Variants in PSPH observed in about 807,000 individuals in gnomAD.
The protein encoded by PSPH is phosphoserine phosphatase.
In PSPH, 16 loss-of-function variants were observed where a neutral mutation model predicts 23.4. That is an observed-to-expected ratio of 0.68 (90% CI 0.46 to 1.04). The LOEUF (loss-of-function observed/expected upper bound fraction) is 1.04. Ranked by LOEUF, PSPH falls within the 50% of genes least tolerant of loss-of-function variation. The pLI is 0.00. For missense variants in PSPH, 223 were observed against 273.7 expected (o/e 0.81, Z 1.31); for synonymous variants, 68 against 99.7 (o/e 0.68, Z 1.89).
At chr7:56,047,735 T>C (rs1159005616) in intron 1 of PSPH, among the ~76,000 whole-genome samples, 1 of 151,784 alleles carries the variant, frequency 6.6e-6, no homozygotes, top group African/African-American at 2.4e-5. Flanking sequence ...GGCGTGATCT[T>C]GACTCACTGC....
intron 4 of PSPH, among the ~76,000 whole-genome samples, chr7:56,020,792 C>A (rs1422003668): frequency 6.6e-6 from 1 of 152,200 alleles, no homozygotes; most frequent in Admixed American, 6.6e-5. Context: ...ACACTTTCAA[C>A]CATGACACAA....
chr7:56,043,313 C>T (rs553713938), intron 1 of PSPH: 2 of 150,740 alleles, frequency 1.3e-5, no homozygotes, highest in African/African-American at 4.9e-5. Context: ...AGAAAGCCAA[C>T]ATGCACAATT....
chr7:56,028,753 T>A (rs1164183762), intron 3 of PSPH, among the ~76,000 whole-genome samples: 1 of 152,014 alleles, frequency 6.6e-6, no homozygotes, highest in Non-Finnish European at 1.5e-5. Context: ...TCCTTTTAGC[T>A]CTTCCCATCC....
chr7:56,046,611 C>G (rs1363407451), intron 1 of PSPH, among the ~76,000 whole-genome samples: 3 of 151,990 alleles, frequency 2.0e-5, no homozygotes, highest in African/African-American at 4.8e-5. Context: ...ATGGTGAAGC[C>G]CTGTCTCTAC....
chr7:56,022,738 G>T (rs1458011949), intron 3 of PSPH, among the ~76,000 whole-genome samples: 1 of 152,150 alleles, frequency 6.6e-6, no homozygotes, highest in Non-Finnish European at 1.5e-5. Context: ...AATGTACAGG[G>T]GCTAGTTGAA....
At chr7:56,050,303 T>C (rs1048803426) in intron 1 of PSPH, among the ~76,000 whole-genome samples, 2 of 152,154 alleles carry the variant, frequency 1.3e-5, no homozygotes, top group African/African-American at 4.8e-5. Flanking sequence ...GTCAGCTCCG[T>C]AGCCCAGGCT....
intron 1 of PSPH, among the ~76,000 whole-genome samples, chr7:56,039,515 C>T (rs191880815): frequency 6.6e-6 from 1 of 152,074 alleles, no homozygotes; most frequent in African/African-American, 2.4e-5. Context: ...CGGTGGCTCA[C>T]ACCTGTAATC....
chr7:56,041,857 A>C (rs1369460180), intron 1 of PSPH, among the ~76,000 whole-genome samples: 1 of 151,848 alleles, frequency 6.6e-6, no homozygotes, highest in East Asian at 1.9e-4. Context: ...TGGGAGGCAG[A>C]GGTTGCAGTC....
intron 3 of PSPH, among the ~76,000 whole-genome samples, chr7:56,022,235 T>G (rs901287989): frequency 6.6e-6 from 1 of 151,610 alleles, no homozygotes; most frequent in African/African-American, 2.4e-5. Flanking sequence ...CTTGGGAGAC[T>G]GAAGCAGGAG....
intron 3 of PSPH, among the ~76,000 whole-genome samples, chr7:56,021,473 CA>C (rs1408461240): frequency 8.5e-6 from 1 of 118,102 alleles, no homozygotes; most frequent in Non-Finnish European, 1.7e-5. Flanking sequence ...GGCTGGAGGG[CA>C]GTGGTACGAT....
intron 3 of PSPH, among the ~76,000 whole-genome samples, chr7:56,022,975 C>A (rs55940597): frequency 0.22 from 33,351 of 152,020 alleles, 3,820 homozygotes; most frequent in East Asian, 0.39. Context: ...AGGAGACTCT[C>A]TTGAACCTGG....
At chr7:56,032,554 G>A (rs1288254224) in intron 2 of PSPH, among the ~76,000 whole-genome samples, 1 of 140,048 alleles carries the variant, frequency 7.1e-6, no homozygotes, top group Non-Finnish European at 1.6e-5. Context: ...CAGCTACTCG[G>A]GAGGCTGAGG....
intron 1 of PSPH, among the ~76,000 whole-genome samples, chr7:56,047,728 G>A (rs998994199): frequency 1.3e-4 from 20 of 150,942 alleles, no homozygotes; most frequent in South Asian, 6.3e-4. Flanking sequence ...GTGCAGTGGC[G>A]TGATCTTGAC....
chr7:56,038,254 C>A (rs200777701), intron 1 of PSPH, among the ~76,000 whole-genome samples: 1 of 143,484 alleles, frequency 7.0e-6, no homozygotes, highest in Admixed American at 7.2e-5. Context: ...CTGGCTAACA[C>A]GGTGAAACCC....
At chr7:56,012,673 C>T (rs1418772244) in intron 7 of PSPH, among the ~76,000 whole-genome samples, 3 of 151,076 alleles carry the variant, frequency 2.0e-5, no homozygotes, top group African/African-American at 7.3e-5. Context: ...GCCTGTAATC[C>T]AGCACTTTGG....
chr7:56,023,435 T>A (rs978543564), intron 3 of PSPH, among the ~76,000 whole-genome samples: 4 of 151,706 alleles, frequency 2.6e-5, no homozygotes, highest in African/African-American at 7.3e-5. Flanking sequence ...ATTTATAAAT[T>A]TTTTTTTGAA....
intron 1 of PSPH, among the ~76,000 whole-genome samples, chr7:56,046,078 G>C (rs978962003): frequency 6.6e-6 from 1 of 151,980 alleles, no homozygotes; most frequent in Admixed American, 6.6e-5. Flanking sequence ...TCACAGCTAA[G>C]GAACACTCAG....
At chr7:56,045,555 C>T (rs371383488) in intron 1 of PSPH, among the ~76,000 whole-genome samples, 1 of 152,014 alleles carries the variant, frequency 6.6e-6, no homozygotes, top group Non-Finnish European at 1.5e-5. Context: ...CAAACTAATA[C>T]GTTAGTCTCT....
In PSPH at chr7:56,021,140, C is replaced by A. The variant is rs753701378; in HGVS notation, c.73G>T (p.Val25Phe). 1 of 1,614,204 alleles carries A rather than the reference C, an allele frequency of 6.2e-7. No homozygotes were observed. The highest frequency in any genetic ancestry group is 8.5e-7 in the Non-Finnish European group (1 of 1,180,042). The change falls in exon 4 of 8, where the codon GTC becomes TTC. Residue 25 changes from valine (V) to phenylalanine (F), a missense_variant. By Grantham distance (50) the Val-to-Phe change is conservative. Coordinates refer to ENST00000275605, the MANE Select transcript of PSPH (RefSeq NM_004577.4). ...TCATCGATTCCTTCTTCTCTGATGA[C>A]CGTGCTGTCAACATCAAAACACACA... ...DAVCFDVDSTVIREEGIDELA... is the reference protein window; with the variant it reads ...DAVCFDVDSTFIREEGIDELA...
Sources: allele counts gnomAD v4.1 joint callset (sites outside exome capture counted in the v4.1 genomes callset), GRCh38; gene constraint gnomAD v4.1.1; transcripts MANE v1.5; gene names NCBI Gene and HGNC (gene_info 2026-07-23, HGNC 2026-07-21).